The following CDC6 variants were observed in gnomAD, a reference collection of about 807,000 sequenced individuals.
The protein encoded by CDC6 is DNA replication factor CDC6.
A neutral mutation model predicts 60.2 loss-of-function variants in CDC6; 46 were observed. The ratio of observed to expected loss-of-function variants is 0.76; its 90% CI spans 0.60 to 0.98. The LOEUF is 0.98. Ranked by LOEUF, CDC6 falls within the 50% of genes least tolerant of loss-of-function variation. The pLI, the probability that CDC6 is intolerant of heterozygous loss-of-function variation, is 0.00. For missense variants in CDC6, 596 were observed against 652.9 expected (o/e 0.91, Z 0.95); for synonymous variants, 210 against 233.2 (o/e 0.90, Z 0.90).
chr17:40,289,068 G>A, intron 1 of CDC6: 1 of 315,834 alleles, frequency 3.2e-6, no homozygotes, highest in Non-Finnish European at 6.1e-6. Context: ...CCAGATGCCC[G>A]GGGTTACATT....
chr17:40,299,138 CT>C (rs67162965), intron 9 of CDC6, among the ~76,000 whole-genome samples: 1,799 of 60,708 alleles, frequency 0.03, 12 homozygotes, highest in African/African-American at 0.13. Flanking sequence ...AGGCCATAGT[CT>C]TTTTTTTTTT....
intron 9 of CDC6, among the ~76,000 whole-genome samples, chr17:40,300,210 C>T (rs1275601511): frequency 2.0e-5 from 3 of 152,266 alleles, no homozygotes; most frequent in South Asian, 2.1e-4. Context: ...GTGATCTGCC[C>T]GCCTTGATCT....
In CDC6 at chr17:40,300,979, T is replaced by C. The variant is rs1379168341; in HGVS notation, c.1401T>C (p.Ser467=). ...TTCAGCAGAAGATCTTGGTTTGCTC[T>C]TTGATGCTCTTGATCAGGCAGTTGA... The part of the protein sequence containing the change: ...FPLQQKILVC[S]LMLLIRQLKI... The change falls in exon 10 of 12, where the codon TCT becomes TCC. Residue 467 remains serine, a synonymous_variant. Coordinates refer to ENST00000209728, the MANE Select transcript of CDC6 (RefSeq NM_001254.4). 6 of 1,614,146 alleles carry C rather than the reference T, an allele frequency of 3.7e-6. No individual in the cohort carries two copies. Among genetic ancestry groups the C allele is most frequent in the Non-Finnish European group, 5.1e-6 (6 of 1,179,996 alleles).
chr17:40,299,395 A>G (rs913234651), intron 9 of CDC6, among the ~76,000 whole-genome samples: 1 of 151,656 alleles, frequency 6.6e-6, no homozygotes, highest in African/African-American at 2.4e-5. Context: ...AGCTCAAGCC[A>G]TTAGTTATTT....
In CDC6 at chr17:40,300,992, A is replaced by T. The variant is rs758751645; in HGVS notation, c.1414A>T (p.Ile472Phe). 1.9e-6 allele frequency: 3 copies of T among 1,614,016 alleles called. No individual in the cohort carries two copies. The South Asian group carries it at 3.3e-5, about 18-fold the overall frequency. Residue 472 changes from isoleucine to phenylalanine, a missense_variant, in exon 10 of 12, where the codon ATC becomes TTC. By Grantham distance (21) the Ile-to-Phe change is conservative. Coordinates refer to ENST00000209728, the MANE Select transcript of CDC6 (RefSeq NM_001254.4). ...CTTGGTTTGCTCTTTGATGCTCTTG[A>T]TCAGGCAGTTGAAAATCAAAGAGGT... ...KILVCSLMLL[I>F]RQLKIKEVTL...
chr17:40,294,611 G>A (rs1481849518), intron 7 of CDC6, 108 bp downstream of exon 7: 1 of 1,002,970 alleles, frequency 1.0e-6, no homozygotes, highest in South Asian at 1.3e-5. Context: ...TATTAATGGA[G>A]CAAGGAGTTC....
rs966246938 is a variant in CDC6 at position 40,303,651 on chromosome 17, C to T, written c.*1650C>T. 6.6e-6 allele frequency: 1 copy of T among 152,202 alleles called. No individual in the cohort carries two copies. The highest frequency in any genetic ancestry group is 1.5e-5 in the Non-Finnish European group (1 of 68,054). The allele number at this position is 152,202 out of a possible 1,614,324, so 9.4% of individuals were successfully genotyped here. On this transcript the variant is annotated 3_prime_UTR_variant, in exon 12 of 12. Coordinates refer to ENST00000209728, the MANE Select transcript of CDC6 (RefSeq NM_001254.4). ...CACTCCTTTACTAGAGTATTCGTTC[C>T]CTCTGAAGGTAGTTTGAACATGGAA...
Position 40,303,062 on chromosome 17 carries a change from G to A in CDC6, c.*1061G>A, listed in dbSNP as rs2032961965. On this transcript the variant is annotated 3_prime_UTR_variant, in exon 12 of 12. Transcript: ENST00000209728. ...TTCAAGATGACTACTTTGGGGTTGG[G>A]TTTTCATCTAAACACATTTTTCCAG... is the stretch of plus-strand genomic sequence containing the variant. 1.3e-5 allele frequency: 2 copies of A among 152,260 alleles called. No individual in the cohort carries two copies. The highest frequency in any genetic ancestry group is 1.3e-4 in the Admixed American group (2 of 15,298). The allele number at this position is 152,260 out of a possible 1,614,324, so 9.4% of individuals were successfully genotyped here.
At chr17:40,298,566 A>C (rs527884978) in intron 9 of CDC6, among the ~76,000 whole-genome samples, 12 of 151,898 alleles carry the variant, frequency 7.9e-5, no homozygotes, top group African/African-American at 2.9e-4. Context: ...GCTAATTTTA[A>C]AATTTTTGTA....
At chr17:40,291,735 T>G (rs2032766169) in intron 4 of CDC6, 67 bp downstream of exon 4, 1 of 1,408,990 alleles carries the variant, frequency 7.1e-7, no homozygotes, top group Admixed American at 1.7e-5. Context: ...GTTTGTTTGT[T>G]TGTTTTGTTT....
intron 4 of CDC6, among the ~76,000 whole-genome samples, chr17:40,292,235 C>T (rs1051864164): frequency 1.3e-5 from 2 of 151,548 alleles, no homozygotes; most frequent in Non-Finnish European, 2.9e-5. Context: ...CACCATGTTG[C>T]CCAGACTTGT....
intron 1 of CDC6, 31 bp from the exon 2 acceptor site, chr17:40,289,377 A>G: frequency 1.3e-6 from 2 of 1,523,840 alleles, no homozygotes; most frequent in East Asian, 4.5e-5. Flanking sequence ...TCACATATTG[A>G]CTAGTTGTCC....
Position 40,291,067 on chromosome 17 carries a change from A to G in CDC6, c.188A>G (p.Asn63Ser), listed in dbSNP as rs1468272767. Residue 63 changes from asparagine (N) to serine (S), a missense_variant, in exon 3 of 12, where the codon AAC (asparagine) becomes AGC (serine). Coordinates refer to ENST00000209728, the MANE Select transcript of CDC6 (RefSeq NM_001254.4). Reference sequence around the variant, plus strand: ...TTTTATTGTGTTTCAGGCGATGACAACCTATGCAACACTCCCCATTTACCT... The same window carrying G: ...TTTTATTGTGTTTCAGGCGATGACAGCCTATGCAACACTCCCCATTTACCT... ...LSPRKRLGDD[N>S]LCNTPHLPPC... The G allele has an allele frequency of 6.2e-7, 1 of 1,614,120 alleles. No individual in the cohort carries two copies. The highest frequency in any genetic ancestry group is 1.7e-5 in the Admixed American group (1 of 60,022).
At chr17:40,289,708 T>A in intron 2 of CDC6, 110 bp downstream of exon 2, 1 of 674,922 alleles carries the variant, frequency 1.5e-6, no homozygotes, top group Non-Finnish European at 2.4e-6. Flanking sequence ...GACTTCTTTT[T>A]TTTTTTTTTT....
At chr17:40,299,023 A>G (rs1025916208) in intron 9 of CDC6, among the ~76,000 whole-genome samples, 1 of 152,066 alleles carries the variant, frequency 6.6e-6, no homozygotes, top group Non-Finnish European at 1.5e-5. Context: ...TTATAGAAGT[A>G]AATTGTTGTG....
Position 40,303,718 on chromosome 17 carries a change from A to C in CDC6, c.*1717A>C, listed in dbSNP as rs1195872084. On this transcript the variant is annotated 3_prime_UTR_variant, in exon 12 of 12. Transcript: ENST00000209728. ...AGAAGGTTGGAAAGTGTCTGGGACT[A>C]TAAGGGTTAACATGCATAATTGCAA... is the stretch of plus-strand genomic sequence containing the variant. 1 of 152,288 alleles carries C rather than the reference A, an allele frequency of 6.6e-6. No individual in the cohort carries two copies. Among genetic ancestry groups the C allele is most frequent in the Admixed American group, 6.5e-5 (1 of 15,294 alleles). The allele number at this position is 152,288 out of a possible 1,614,324, so 9.4% of individuals were successfully genotyped here.
intron 9 of CDC6, among the ~76,000 whole-genome samples, chr17:40,300,201 T>G (rs2032917924): frequency 6.6e-6 from 1 of 152,210 alleles, no homozygotes; most frequent in South Asian, 2.1e-4. Flanking sequence ...TGACCTCAGG[T>G]GATCTGCCCG....
Position 40,301,959 on chromosome 17 carries a change from T to C in CDC6, c.1641T>C (p.Asp547=), listed in dbSNP as rs1210940809. The C allele has an allele frequency of 3.1e-6, 5 of 1,599,366 alleles. No homozygotes were observed. Among genetic ancestry groups the C allele is most frequent in the Non-Finnish European group, 4.3e-6 (5 of 1,166,692 alleles). Residue 547 remains aspartate (D), a synonymous_variant, in exon 12 of 12, where the codon GAT becomes GAC. Coordinates refer to ENST00000209728, the MANE Select transcript of CDC6 (RefSeq NM_001254.4). ...EEKEIEHALK[D]KALIGNILAT... ...AAGAAATAGAACATGCTCTGAAAGA[T>C]AAAGCTTTAATTGGAAATATCTTAG...
At position 40,302,075 on chromosome 17, in the gene CDC6, A is replaced by C; in HGVS notation, c.*74A>C. 1.1e-6 allele frequency: 1 copy of C among 885,134 alleles called. No homozygotes were observed. The highest frequency in any genetic ancestry group is 1.9e-6 in the Non-Finnish European group (1 of 515,776). 54.8% of individuals were successfully genotyped at this position (885,134 alleles called of 1,614,324 possible). ...GCTACAGTCTTCATTTTAGTGCTTT[A>C]CACATTCGGGCCTGAAAACAAATAT... On this transcript the variant is annotated 3_prime_UTR_variant, in exon 12 of 12. Transcript: ENST00000209728.
Sources: allele counts gnomAD v4.1 joint callset (sites outside exome capture counted in the v4.1 genomes callset), GRCh38; gene constraint gnomAD v4.1.1; transcripts MANE v1.5; gene names NCBI Gene and HGNC (gene_info 2026-07-23, HGNC 2026-07-21).